The following LRP1 variants were observed in gnomAD, a reference collection of about 807,000 sequenced individuals.
LRP1 encodes the protein LDL receptor related protein 1, also known as prolow-density lipoprotein receptor-related protein 1.
A neutral mutation model predicts 541.5 loss-of-function variants in LRP1; 51 were observed. The ratio of observed to expected loss-of-function variants is 0.09; its 90% CI spans 0.08 to 0.12. The LOEUF (loss-of-function observed/expected upper bound fraction) is 0.12. Ranked by LOEUF, LRP1 falls within the 10% of genes least tolerant of loss-of-function variation. The pLI is 1.00. For synonymous variants in LRP1, 2,219 were observed against 2,470.8 expected, an observed-to-expected ratio of 0.90 and a Z score of 3.02; for missense variants, 3,878 against 6,376.2, an observed-to-expected ratio of 0.61 and a Z score of 13.34.
intron 61 of LRP1, 72 bp downstream of exon 61, chr12:57,199,472 C>A: frequency 6.7e-7 from 1 of 1,503,114 alleles, no homozygotes; most frequent in Non-Finnish European, 9.1e-7. Context: ...TCCTGCTCAT[C>A]CCTTCTCTAG....
chr12:57,185,192 G>C lies in LRP1; in HGVS notation c.6450G>C (p.Arg2150=), dbSNP rs920326824. The C allele has an allele frequency of 1.9e-6, 3 of 1,614,146 alleles. No individual in the cohort carries two copies. The highest frequency in any genetic ancestry group is 2.5e-6 in the Non-Finnish European group (3 of 1,180,036). ...TTAAAGACATCAAAGTCTTCAACCG[G>C]GACCGGCAGAAAGGTGAGGCTGGGG... ...VQLKDIKVFN[R]DRQKGTNVCA... is the part of the protein sequence containing the mutation. Residue 2150 remains arginine (R), a synonymous_variant, in exon 40 of 89, where the codon CGG becomes CGC. Coordinates refer to ENST00000243077, the MANE Select transcript of LRP1 (RefSeq NM_002332.3). This position sits in a 1 kb window ranked among gnomAD's most constrained non-coding sequence, Gnocchi z 4.9.
intron 6 of LRP1, chr12:57,149,600 G>A: frequency 1.4e-6 from 1 of 703,226 alleles, no homozygotes; most frequent in Non-Finnish European, 2.6e-6. Context: ...TCATCCCTGG[G>A]ATCTAGGTCG....
Position 57,205,045 on chromosome 12 carries a change from G to A in LRP1, c.11195-64G>A. The A allele has an allele frequency of 6.5e-7, 1 of 1,549,298 alleles. No individual in the cohort carries two copies. Among genetic ancestry groups the A allele is most frequent in the Non-Finnish European group, 8.7e-7 (1 of 1,144,336 alleles). The stretch of plus-strand genomic sequence containing the variant: ...GAATTGGGAGCCACTGTTATCTATG[G>A]GGTTGCCGTGGGAGGAGGAGGCAGG... On this transcript the variant is annotated intron_variant, in intron 72 of 88. Transcript: ENST00000243077. This position sits in a 1 kb window ranked among gnomAD's most constrained non-coding sequence, Gnocchi z 4.6.
Position 57,178,414 on chromosome 12 carries a change from C to T in LRP1, c.4417C>T (p.Arg1473Trp), listed in dbSNP as rs2036093309. 1.2e-6 allele frequency: 2 copies of T among 1,614,200 alleles called. No individual in the cohort carries two copies. Among genetic ancestry groups the T allele is most frequent in the Non-Finnish European group, 1.7e-6 (2 of 1,180,016 alleles). Residue 1473 changes from arginine to tryptophan, a missense_variant, in exon 27 of 89, where the codon CGG becomes TGG. Arg to Trp is a moderately radical substitution (Grantham distance 101). Transcript: ENST00000243077. This position sits in a 1 kb window ranked among gnomAD's most constrained non-coding sequence, Gnocchi z 5.8. The part of the protein sequence containing the change: ...YDGSGHMEVL[R>W]GHEFLSHPFA... ...CGGCTCTGGCCACATGGAGGTGCTT[C>T]GGGGACACGAGTTCCTGTCGCACCC...
At chr12:57,200,104 T>G (rs927858136) in intron 62 of LRP1, 79 bp downstream of exon 62, 2 of 1,207,870 alleles carry the variant, frequency 1.7e-6, no homozygotes, top group Non-Finnish European at 2.3e-6. Context: ...ACACCTGCTC[T>G]GTCCTAATGT....
chr12:57,134,703 C>A (rs1172617882), intron 1 of LRP1, among the ~76,000 whole-genome samples: 1 of 151,612 alleles, frequency 6.6e-6, no homozygotes, highest in African/African-American at 2.4e-5. Context: ...TCCTTTCTTT[C>A]TTTCTTTTTT....
Position 57,165,882 on chromosome 12 carries a change from C to T in LRP1, c.2608C>T (p.Arg870Cys). ...TGCCAACAGCCGCTGCATCCAGGAG[C>T]GCTGGAAGTGTGACGGAGACAACGA... is the stretch of plus-strand genomic sequence containing the variant. ...ACANSRCIQE[R>C]WKCDGDNDCL... The change falls in exon 16 of 89, where the codon CGC (arginine) becomes TGC (cysteine). Residue 870 changes from arginine to cysteine, a missense_variant. Physicochemically the swap from Arg to Cys is radical, Grantham distance 180 (BLOSUM62 -3). Around this residue, in one of 13 missense-constraint regions of LRP1, gnomAD observed 496 missense variants for 861.0 expected, o/e 0.58. Coordinates refer to ENST00000243077, the MANE Select transcript of LRP1 (RefSeq NM_002332.3). The surrounding 1 kb of genome is among the most constrained non-coding windows in gnomAD (Gnocchi z 4.5). 2.5e-6 allele frequency: 4 copies of T among 1,614,192 alleles called. No individual in the cohort carries two copies. Among genetic ancestry groups the T allele is most frequent in the Non-Finnish European group, 3.4e-6 (4 of 1,180,024 alleles).
At chr12:57,129,570 CG>C (rs1182865233) in intron 1 of LRP1, among the ~76,000 whole-genome samples, 2 of 152,084 alleles carry the variant, frequency 1.3e-5, no homozygotes, top group Admixed American at 1.3e-4. Context: ...CCTGCTTGGG[CG>C]TGGAATCGAC....
chr12:57,204,865 AG>A lies in LRP1; in HGVS notation c.11194+120del, dbSNP rs926963922. The A allele has an allele frequency of 2.1e-5, 32 of 1,496,510 alleles. No individual in the cohort carries two copies. The highest frequency in any genetic ancestry group is 2.7e-5 in the Non-Finnish European group (30 of 1,105,104). 92.7% of individuals were successfully genotyped at this position (1,496,510 alleles called of 1,614,324 possible). A position where few individuals can be genotyped will look rare whatever the true frequency, so the allele number is the denominator to read the frequency against. On this transcript the variant is annotated intron_variant, in intron 72 of 88. Transcript: ENST00000243077. This position sits in a 1 kb window ranked among gnomAD's most constrained non-coding sequence, Gnocchi z 5.3. ...GTTAACCAGGAGGACTCGCCCAGGA[AG>A]GGGAGGATCCATTGCTAGGAGCCTG...
chr12:57,176,361 T>C (rs560111151), intron 24 of LRP1, among the ~76,000 whole-genome samples: 1 of 152,212 alleles, frequency 6.6e-6, no homozygotes, highest in African/African-American at 2.4e-5. Flanking sequence ...GCTCCCCAGA[T>C]CTAGAATTGC....
intron 18 of LRP1, 76 bp downstream of exon 18, chr12:57,167,122 C>G (rs372394546): frequency 4.0e-6 from 5 of 1,243,290 alleles, no homozygotes; most frequent in Non-Finnish European, 5.8e-6. Flanking sequence ...TTGGGGGTGC[C>G]GGAGACACCT....
chr12:57,197,707 G>C lies in LRP1; in HGVS notation c.9282+43G>C, dbSNP rs1254215603. 1.9e-6 allele frequency: 3 copies of C among 1,600,344 alleles called. No homozygotes were observed. The highest frequency in any genetic ancestry group is 2.6e-6 in the Non-Finnish European group (3 of 1,174,756). ...CGGCGACCAACACTGGCCCGCCTCA[G>C]ATGACTGTTTTCAGATCGTCTCTCC... On this transcript the variant is annotated intron_variant, in intron 58 of 88. Transcript: ENST00000243077. The surrounding 1 kb of genome is among the most constrained non-coding windows in gnomAD (Gnocchi z 4.5).
Position 57,158,344 on chromosome 12 carries a change from G to C in LRP1, c.1562-58G>C. ...TTGCAGCCCCTTGGCCGCAGCCCCT[G>C]GGTGGGGATGATGGTCATGTGTGTG... On this transcript the variant is annotated intron_variant, in intron 10 of 88. Transcript: ENST00000243077. This position sits in a 1 kb window ranked among gnomAD's most constrained non-coding sequence, Gnocchi z 5.3. 2.8e-6 allele frequency: 4 copies of C among 1,406,098 alleles called. No homozygotes were observed. Among genetic ancestry groups the C allele is most frequent in the Non-Finnish European group, 3.9e-6 (4 of 1,013,610 alleles). The allele number at this position is 1,406,098 out of a possible 1,614,324, so 87.1% of individuals were successfully genotyped here.
Position 57,146,273 on chromosome 12 carries a change from T to A in LRP1, c.841+783T>A, listed in dbSNP as rs1324925587. On this transcript the variant is annotated intron_variant, in intron 6 of 88. Transcript: ENST00000243077. Reference sequence around the variant, plus strand: ...TTTCCAAAGAAATGCACCACAGGGCTGAGAGGAAGAATCTGGCCTGTGGTT... The same window carrying A: ...TTTCCAAAGAAATGCACCACAGGGCAGAGAGGAAGAATCTGGCCTGTGGTT... 3.9e-5 allele frequency among the ~76,000 whole-genome samples: 6 copies of A among 152,302 alleles called. No homozygotes were observed. In the East Asian group the frequency reaches 1.2e-3, roughly 29 times the overall value.
chr12:57,169,066 C>A, intron 19 of LRP1, 74 bp from the exon 20 acceptor site: 1 of 1,409,710 alleles, frequency 7.1e-7, no homozygotes, highest in Non-Finnish European at 9.9e-7. Flanking sequence ...GGGCAGGGGG[C>A]CCAAGCTGGG....
At chr12:57,176,237 G>A (rs2036044245) in intron 24 of LRP1, 131 bp downstream of exon 24, 3 of 838,852 alleles carry the variant, frequency 3.6e-6, no homozygotes, top group Non-Finnish European at 5.5e-6. Flanking sequence ...TGTTCATTGG[G>A]TTAGATTTTG....
In LRP1 at chr12:57,204,829, C is replaced by T; in HGVS notation, c.11194+80C>T. ...GAGTCTGGTCCTCGTGGGAGCTGCA[C>T]TGGGGTTAGGGTTAACCAGGAGGAC... is the stretch of plus-strand genomic sequence containing the variant. On this transcript the variant is annotated intron_variant, in intron 72 of 88. Transcript: ENST00000243077. This position sits in a 1 kb window ranked among gnomAD's most constrained non-coding sequence, Gnocchi z 5.3. 6.3e-7 allele frequency: 1 copy of T among 1,585,952 alleles called. No individual in the cohort carries two copies. Among genetic ancestry groups the T allele is most frequent in the East Asian group, 2.3e-5 (1 of 44,332 alleles).
rs2036737742 is a variant in LRP1 at position 57,204,891 on chromosome 12, G to C, written c.11194+142G>C. 2 of 1,406,050 alleles carry C rather than the reference G, an allele frequency of 1.4e-6. No homozygotes were observed. Among genetic ancestry groups the C allele is most frequent in the Admixed American group, 2.4e-5 (1 of 41,694 alleles). The allele number at this position is 1,406,050 out of a possible 1,614,324, so 87.1% of individuals were successfully genotyped here. On this transcript the variant is annotated intron_variant, in intron 72 of 88. Transcript: ENST00000243077. This position sits in a 1 kb window ranked among gnomAD's most constrained non-coding sequence, Gnocchi z 5.3. ...GGGGAGGATCCATTGCTAGGAGCCT[G>C]GGGGCTTTTCGTTAGGAAAGAGAAG...
intron 1 of LRP1, among the ~76,000 whole-genome samples, chr12:57,129,833 C>A (rs1356292847): frequency 6.6e-6 from 1 of 152,116 alleles, no homozygotes; most frequent in Non-Finnish European, 1.5e-5. Context: ...CTGCCTTCTT[C>A]CTGACTTCTG....
Sources: allele counts gnomAD v4.1 joint callset (sites outside exome capture counted in the v4.1 genomes callset), GRCh38; gene constraint gnomAD v4.1.1; regional missense constraint gnomAD v4.1.1; non-coding constraint Gnocchi (gnomAD v3.1); transcripts MANE v1.5; gene names NCBI Gene and HGNC (gene_info 2026-07-23, HGNC 2026-07-21).